CD28: variants seen among roughly 807,000 people sequenced by gnomAD.
CD28 encodes the protein CD28 molecule, also known as T-cell-specific surface glycoprotein CD28.
CD28 carries 8 observed loss-of-function variants against 21.4 expected under a neutral mutation model. The observed-to-expected ratio is 0.37, with a 90% CI of 0.22 to 0.68. The LOEUF is 0.68. Among genes scored for constraint, CD28 ranks in the 30% least tolerant of loss-of-function variants. The pLI is 0.55. For missense variants in CD28, 239 were observed against 272.2 expected (o/e 0.88, Z 0.86); for synonymous variants, 106 against 104.0 (o/e 1.02, Z -0.12).
chr2:203,728,796 A>G (rs2106121696), intron 2 of CD28, among the ~76,000 whole-genome samples: 1 of 152,300 alleles, frequency 6.6e-6, no homozygotes, highest in South Asian at 2.1e-4. Flanking sequence ...ATATATGTAT[A>G]CACACATATA....
chr2:203,723,343 T>C (rs1232622078), intron 1 of CD28, among the ~76,000 whole-genome samples: 30 of 151,592 alleles, frequency 2.0e-4, no homozygotes, highest in African/African-American at 7.3e-4. Context: ...AAAAATTAGC[T>C]GGGGGTGGTG....
At chr2:203,708,519 A>T (rs2106106537) in intron 1 of CD28, among the ~76,000 whole-genome samples, 1 of 152,352 alleles carries the variant, frequency 6.6e-6, no homozygotes, top group African/African-American at 2.4e-5. Flanking sequence ...GTGGACACCT[A>T]TCTGTCATCA....
intron 1 of CD28, among the ~76,000 whole-genome samples, chr2:203,718,810 G>C (rs1693532441): frequency 6.6e-6 from 1 of 152,236 alleles, no homozygotes; most frequent in Non-Finnish European, 1.5e-5. Context: ...GATTTTCCTA[G>C]TGAAGTTCAG....
At chr2:203,725,347 C>G (rs1205289701) in intron 1 of CD28, among the ~76,000 whole-genome samples, 1 of 151,120 alleles carries the variant, frequency 6.6e-6, no homozygotes, top group Non-Finnish European at 1.5e-5. Flanking sequence ...AAAGTTGATT[C>G]CCAGTTTCTC....
intron 1 of CD28, among the ~76,000 whole-genome samples, chr2:203,724,647 G>A (rs1693691304): frequency 6.6e-6 from 1 of 152,106 alleles, no homozygotes; most frequent in African/African-American, 2.4e-5. Context: ...GCCTCCCAAA[G>A]TGCTAGGATC....
intron 1 of CD28, among the ~76,000 whole-genome samples, chr2:203,714,467 T>C (rs1330227957): frequency 6.6e-6 from 1 of 151,900 alleles, no homozygotes; most frequent in African/African-American, 2.4e-5. Context: ...TGACCTTGGC[T>C]TGGGGAGGCC....
chr2:203,729,522 C>A, intron 2 of CD28, 126 bp from the exon 3 acceptor site: 1 of 975,014 alleles, frequency 1.0e-6, no homozygotes, highest in Non-Finnish European at 1.5e-6. Flanking sequence ...GAAATCTATT[C>A]ACTCTAAGCT....
rs749163053 is a variant in CD28, at chr2:203,729,773, G to T, written c.534+1G>T. On this transcript the variant is annotated splice_donor_variant, in intron 3 of 3. Transcript: ENST00000324106. LOFTEE classifies it high-confidence loss of function. ...AACAGTGGCCTTTATTATTTTCTGG[G>T]TAAGAGAAGCAGCACTGCTTTTATG... 1 of 1,612,968 alleles carries T rather than the reference G, an allele frequency of 6.2e-7. No individual in the cohort carries two copies. Among genetic ancestry groups the T allele is most frequent in the Non-Finnish European group, 8.5e-7 (1 of 1,179,590 alleles).
intron 3 of CD28, among the ~76,000 whole-genome samples, chr2:203,734,442 G>A (rs1415039537): frequency 6.6e-6 from 1 of 152,232 alleles, no homozygotes; most frequent in Non-Finnish European, 1.5e-5. Context: ...CACAATGTGG[G>A]TAGGCTTAAC....
At chr2:203,709,609 A>C (rs1024404927) in intron 1 of CD28, among the ~76,000 whole-genome samples, 5 of 152,170 alleles carry the variant, frequency 3.3e-5, no homozygotes, top group African/African-American at 1.2e-4. Flanking sequence ...TAATTGTGCA[A>C]CTGAGATCCA....
At chr2:203,708,828 A>C (rs1454612492) in intron 1 of CD28, among the ~76,000 whole-genome samples, 3 of 152,220 alleles carry the variant, frequency 2.0e-5, no homozygotes, top group Non-Finnish European at 4.4e-5. Context: ...GAATGACCAC[A>C]TAAAAAATGT....
At chr2:203,712,407 G>T (rs1559550294) in intron 1 of CD28, among the ~76,000 whole-genome samples, 1 of 152,074 alleles carries the variant, frequency 6.6e-6, no homozygotes, top group East Asian at 1.9e-4. Flanking sequence ...ACTTTGGTTT[G>T]CCTACATTAT....
At chr2:203,724,553 A>G (rs532066423) in intron 1 of CD28, among the ~76,000 whole-genome samples, 1 of 152,258 alleles carries the variant, frequency 6.6e-6, no homozygotes, top group East Asian at 1.9e-4. Context: ...ATGATTTTTT[A>G]AAAAGAATTT....
At chr2:203,715,395 A>C (rs1264815656) in intron 1 of CD28, among the ~76,000 whole-genome samples, 1 of 152,018 alleles carries the variant, frequency 6.6e-6, no homozygotes, top group Non-Finnish European at 1.5e-5. Context: ...TGCTCTTGCT[A>C]TGTTGTCCCC....
Position 203,738,246 on chromosome 2 carries a change from G to A in CD28, c.*3334G>A, listed in dbSNP as rs1218756879. ...CACCGGTCCTCATGGCTATTTTAAT[G>A]AGGGTATTGATGGTTAAATGCATGT... On this transcript the variant is annotated 3_prime_UTR_variant, in exon 4 of 4. Transcript: ENST00000324106. 6.6e-6 allele frequency: 1 copy of A among 152,190 alleles called. No individual in the cohort carries two copies. The highest frequency in any genetic ancestry group is 2.4e-5 in the African/African-American group (1 of 41,442). The allele number at this position is 152,190 out of a possible 1,614,324, so 9.4% of individuals were successfully genotyped here.
intron 1 of CD28, among the ~76,000 whole-genome samples, chr2:203,708,162 A>G (rs1231052803): frequency 6.6e-6 from 1 of 152,214 alleles, no homozygotes; most frequent in Non-Finnish European, 1.5e-5. Flanking sequence ...CCCAAAGAGT[A>G]TAATTTCCCA....
rs199556397 is a variant in CD28, at chr2:203,736,801, T to G, written c.*1889T>G. 2 of 152,252 alleles carry G rather than the reference T, an allele frequency of 1.3e-5. No homozygotes were observed. Among genetic ancestry groups the G allele is most frequent in the African/African-American group, 4.8e-5 (2 of 41,470 alleles). The allele number at this position is 152,252 out of a possible 1,614,324, so 9.4% of individuals were successfully genotyped here. ...TCAACTATAAAATGGAGATAATGGT[T>G]ACAAATGTCTCTTCCTATAGTATAA... On this transcript the variant is annotated 3_prime_UTR_variant, in exon 4 of 4. Transcript: ENST00000324106.
At chr2:203,710,213 C>G (rs758912442) in intron 1 of CD28, among the ~76,000 whole-genome samples, 1 of 152,160 alleles carries the variant, frequency 6.6e-6, no homozygotes, top group African/African-American at 2.4e-5. Context: ...AAGAAATTGA[C>G]TGGATGTTTT....
At chr2:203,721,691 G>A (rs1693609798) in intron 1 of CD28, among the ~76,000 whole-genome samples, 1 of 152,120 alleles carries the variant, frequency 6.6e-6, no homozygotes, top group East Asian at 1.9e-4. Flanking sequence ...TCCTTAGCTG[G>A]TTTCCCTGTT....
Sources: gnomAD v4.1 joint callset for allele counts (sites outside exome capture counted in the v4.1 genomes callset) on GRCh38, gnomAD v4.1.1 for gene constraint, MANE v1.5 for transcripts, NCBI Gene and HGNC (gene_info 2026-07-23, HGNC 2026-07-21) for gene names.